The following DOCK10 variants were observed in gnomAD, a reference collection of about 807,000 sequenced individuals.
DOCK10 encodes dedicator of cytokinesis protein 10.
DOCK10 carries 145 observed loss-of-function variants against 280.1 expected under a neutral mutation model. That is an observed-to-expected ratio of 0.52 (90% confidence interval 0.45 to 0.59). The LOEUF (loss-of-function observed/expected upper bound fraction) is 0.59, where lower values mean the gene tolerates loss of function less well. Ranked by LOEUF, DOCK10 falls within the 20% of genes least tolerant of loss-of-function variation. The pLI is 0.00. For missense variants in DOCK10, 2,368 were observed against 2,651.7 expected, an observed-to-expected ratio of 0.89 and a Z score of 2.35; for synonymous variants, 915 against 942.2, an observed-to-expected ratio of 0.97 and a Z score of 0.53.
rs748086759 is a variant in DOCK10, at chr2:224,874,290, C to T, written c.1077G>A (p.Leu359=). ...CATCTATGTCTGGATCTAGAGAGAA[C>T]AGATTTAGCCTCTCCATGTTTCGAG... ...KTTRNMERLN[L]FSLDPDIDTL... is the part of the protein sequence containing the mutation. The change falls in exon 10 of 56, where the codon CTG becomes CTA. Residue 359 remains leucine, a synonymous_variant. Coordinates refer to ENST00000258390, the MANE Select transcript of DOCK10 (RefSeq NM_014689.3). 3 of 1,613,384 alleles carry T rather than the reference C, an allele frequency of 1.9e-6. No homozygotes were observed. The highest frequency in any genetic ancestry group is 1.7e-5 in the Admixed American group (1 of 59,964).
intron 26 of DOCK10, among the ~76,000 whole-genome samples, chr2:224,831,512 G>A (rs1336180253): frequency 4.0e-5 from 6 of 150,080 alleles, no homozygotes; most frequent in East Asian, 1.9e-4. Flanking sequence ...GGCCTGGTGC[G>A]CATGTGTTAA....
At chr2:225,011,486 A>C (rs1408805850) in intron 1 of DOCK10, among the ~76,000 whole-genome samples, 1 of 152,236 alleles carries the variant, frequency 6.6e-6, no homozygotes, top group Non-Finnish European at 1.5e-5. Flanking sequence ...GCCACCAGCC[A>C]ATGTGAAGGT....
chr2:224,876,334 C>A, intron 7 of DOCK10, 113 bp from the exon 8 acceptor site: 1 of 944,670 alleles, frequency 1.1e-6, no homozygotes, highest in East Asian at 2.7e-5. Context: ...AGATAGATAA[C>A]ATAAAGAAAA....
chr2:224,952,443 GGTGA>G (rs1703790728), intron 1 of DOCK10, among the ~76,000 whole-genome samples: 2 of 152,028 alleles, frequency 1.3e-5, no homozygotes, highest in South Asian at 2.1e-4. Flanking sequence ...GTGAAATACA[GGTGA>G]GAAGTCGAAA....
intron 48 of DOCK10, among the ~76,000 whole-genome samples, chr2:224,788,443 C>A (rs935091957): frequency 6.6e-6 from 1 of 152,010 alleles, no homozygotes; most frequent in Non-Finnish European, 1.5e-5. Flanking sequence ...CGTTTATTTG[C>A]AATATATGCT....
In DOCK10 at chr2:224,778,328, T is replaced by A. The variant is rs554458517; in HGVS notation, c.5656-44A>T. The A allele has an allele frequency of 9.0e-6, 14 of 1,552,714 alleles. No individual in the cohort carries two copies. In the African/African-American group the frequency reaches 1.6e-4, roughly 18 times the overall value. On this transcript the variant is annotated intron_variant, in intron 50 of 55. Transcript: ENST00000258390. ...CACCAATTTTATTAGACAATGCTAA[T>A]CATAAATCAAAAGCAAAACAAAAAG...
At chr2:224,900,547 G>A (rs572481640) in intron 3 of DOCK10, among the ~76,000 whole-genome samples, 16 of 152,250 alleles carry the variant, frequency 1.1e-4, no homozygotes, top group Non-Finnish European at 1.8e-4. Flanking sequence ...AAAATGAACC[G>A]CACATTTGGA....
intron 1 of DOCK10, among the ~76,000 whole-genome samples, chr2:225,015,540 C>T (rs1448058940): frequency 3.3e-5 from 5 of 152,184 alleles, no homozygotes; most frequent in Non-Finnish European, 7.3e-5. Flanking sequence ...CCACTCTCCA[C>T]CAACCAGGCG....
chr2:224,975,711 T>C (rs1705396689), intron 1 of DOCK10, among the ~76,000 whole-genome samples: 1 of 152,216 alleles, frequency 6.6e-6, no homozygotes, highest in Admixed American at 6.5e-5. Flanking sequence ...AACAAATGTA[T>C]GTTCCAAAGA....
At chr2:224,902,947 A>C (rs184742016) in intron 3 of DOCK10, among the ~76,000 whole-genome samples, 1,983 of 152,100 alleles carry the variant, frequency 0.013, 53 homozygotes, top group African/African-American at 0.045. Context: ...CAAAAAAAAA[A>C]ATTAGCCGGT....
At chr2:224,937,766 T>A (rs1371385038) in intron 1 of DOCK10, among the ~76,000 whole-genome samples, 3 of 152,216 alleles carry the variant, frequency 2.0e-5, no homozygotes, top group Admixed American at 6.5e-5. Context: ...CATGTATTTA[T>A]ACTTGCAGAT....
At chr2:224,819,406 C>G (rs1372860027) in intron 29 of DOCK10, 40 bp downstream of exon 29, 3 of 1,324,458 alleles carry the variant, frequency 2.3e-6, no homozygotes, top group Non-Finnish European at 3.2e-6. Context: ...TTTACAATGC[C>G]ATAGTTTAGA....
chr2:225,003,084 A>T (rs1374603772), intron 1 of DOCK10, among the ~76,000 whole-genome samples: 1 of 152,146 alleles, frequency 6.6e-6, no homozygotes, highest in African/African-American at 2.4e-5. Flanking sequence ...GTCTCACTTT[A>T]TCACCAGGCT....
chr2:225,017,110 C>CAAAAAA lies in DOCK10; in HGVS notation c.123+25136_123+25141dup, dbSNP rs11402421. Among the ~76,000 whole-genome samples the CAAAAAA allele has an allele frequency of 3.4e-4, 47 of 138,264 alleles. 1 individual carries two copies. The highest frequency in any genetic ancestry group is 8.4e-4 in the African/African-American group (31 of 36,998). The allele number at this position is 138,264 out of a possible 152,430, so 90.7% of individuals were successfully genotyped here. A position where few individuals can be genotyped will look rare whatever the true frequency, so the allele number is the denominator to read the frequency against. ...AAGATGAAACTGAATAAAATTAAAC[C>CAAAAAA]AAAAAAAAAAAAAAACTTTTGAGAG... On this transcript the variant is annotated intron_variant, in intron 1 of 55. Transcript: ENST00000258390.
intron 7 of DOCK10, among the ~76,000 whole-genome samples, chr2:224,877,851 GTGGTTGT>G (rs1698736974): frequency 6.6e-6 from 1 of 152,202 alleles, no homozygotes; most frequent in East Asian, 1.9e-4. Flanking sequence ...ATTTAAGGGG[GTGGTTGT>G]TGGAAAGATT....
At chr2:224,849,691 G>T (rs1319161762) in intron 18 of DOCK10, 92 bp from the exon 19 acceptor site, 8 of 825,748 alleles carry the variant, frequency 9.7e-6, no homozygotes, top group African/African-American at 1.7e-5. Flanking sequence ...ACCAACCCTG[G>T]GACAATGGCA....
At chr2:225,001,391 G>A (rs889116290) in intron 1 of DOCK10, among the ~76,000 whole-genome samples, 5 of 148,378 alleles carry the variant, frequency 3.4e-5, no homozygotes, top group African/African-American at 7.6e-5. Context: ...CCGGGTTTAC[G>A]CCATTCTCCT....
intron 42 of DOCK10, 34 bp downstream of exon 42, chr2:224,797,798 T>A (rs776018465): frequency 1.9e-6 from 3 of 1,601,972 alleles, no homozygotes; most frequent in Non-Finnish European, 2.6e-6. Flanking sequence ...ACTGTCATCC[T>A]ACCTAAACTT....
intron 1 of DOCK10, among the ~76,000 whole-genome samples, chr2:224,949,623 A>G (rs1250143769): frequency 6.6e-6 from 1 of 152,190 alleles, no homozygotes; most frequent in Non-Finnish European, 1.5e-5. Flanking sequence ...GCTGGAAAGG[A>G]AATGTAGCAG....
Sources: allele counts gnomAD v4.1 joint callset (sites outside exome capture counted in the v4.1 genomes callset), GRCh38; gene constraint gnomAD v4.1.1; transcripts MANE v1.5; gene names NCBI Gene and HGNC (gene_info 2026-07-23, HGNC 2026-07-21).